Variants in PRKAR2A observed in about 807,000 individuals in gnomAD.
PRKAR2A encodes protein kinase cAMP-dependent type II regulatory subunit alpha.
A neutral mutation model predicts 51.9 loss-of-function variants in PRKAR2A; 29 were observed. The ratio of observed to expected loss-of-function variants is 0.56; its 90% CI spans 0.42 to 0.76. The LOEUF (loss-of-function observed/expected upper bound fraction) is 0.76, where lower values mean the gene tolerates loss of function less well. Ranked by LOEUF, PRKAR2A falls within the 30% of genes least tolerant of loss-of-function variation. The probability of loss-of-function intolerance (pLI) is 0.00; values close to 1 mark genes in which losing one functional copy is unlikely to be tolerated. For synonymous variants in PRKAR2A, 178 were observed against 186.2 expected, an observed-to-expected ratio of 0.96 and a Z score of 0.36; for missense variants, 445 against 512.1, an observed-to-expected ratio of 0.87 and a Z score of 1.26.
intron 1 of PRKAR2A, among the ~76,000 whole-genome samples, chr3:48,842,659 C>T (rs2083399164): frequency 6.6e-6 from 1 of 152,102 alleles, no homozygotes; most frequent in Admixed American, 6.6e-5. Context: ...TTTTCTGCAT[C>T]TATTGAGATA....
intron 8 of PRKAR2A, among the ~76,000 whole-genome samples, chr3:48,762,088 G>A (rs576731093): frequency 4.6e-5 from 7 of 152,278 alleles, no homozygotes; most frequent in East Asian, 1.9e-4. Flanking sequence ...AACTGGACTT[G>A]TCAAAATTAA....
chr3:48,813,467 G>A (rs987947073), intron 1 of PRKAR2A, among the ~76,000 whole-genome samples: 2 of 151,986 alleles, frequency 1.3e-5, no homozygotes, highest in African/African-American at 2.4e-5. Context: ...AGGCCGAGGC[G>A]GCGGATCACG....
chr3:48,746,323 A>G (rs141868660), downstream of PRKAR2A, among the ~76,000 whole-genome samples: 3 of 143,242 alleles, frequency 2.1e-5, no homozygotes, highest in East Asian at 6.1e-4. Context: ...GTTTGAAACC[A>G]GCCTGGACAA....
chr3:48,777,969 T>C (rs995239310), intron 5 of PRKAR2A, among the ~76,000 whole-genome samples: 9 of 152,174 alleles, frequency 5.9e-5, no homozygotes, highest in Non-Finnish European at 1.0e-4. Context: ...ATGAACTCAT[T>C]TCAGGCAGCA....
At chr3:48,778,710 G>A (rs926288738) in intron 5 of PRKAR2A, among the ~76,000 whole-genome samples, 2 of 151,684 alleles carry the variant, frequency 1.3e-5, no homozygotes, top group African/African-American at 4.8e-5. Context: ...AGTAGAGATG[G>A]GGTTTCACCA....
chr3:48,803,404 G>C (rs1447196622), intron 2 of PRKAR2A, among the ~76,000 whole-genome samples: 5 of 152,074 alleles, frequency 3.3e-5, no homozygotes. Flanking sequence ...AATAGAAGGA[G>C]ACACTGTCTT....
chr3:48,794,382 A>C lies in PRKAR2A; in HGVS notation c.299-333T>G, dbSNP rs1322529903. Among the ~76,000 whole-genome samples, 3 of 151,934 alleles carry C rather than the reference A, an allele frequency of 2.0e-5. No individual in the cohort carries two copies. In the East Asian group the frequency reaches 5.8e-4, roughly 30 times the overall value. On this transcript the variant is annotated intron_variant, in intron 2 of 10. Transcript: ENST00000265563. ...GTCAGGCTGCTCTCAAACTCCTGAC[A>C]TCAGGTGATCCACCTGATGTATATC...
rs983644261 is a variant in PRKAR2A at position 48,749,854 on chromosome 3, A to G, written c.*1731T>C. The G allele has an allele frequency of 6.6e-6, 1 of 151,664 alleles. No homozygotes were observed. Among genetic ancestry groups the G allele is most frequent in the African/African-American group, 2.4e-5 (1 of 41,310 alleles). 9.4% of individuals were successfully genotyped at this position (151,664 alleles called of 1,614,324 possible). ...CAGCTGACAAACTCCATATACATGA[A>G]TATGTCCAAGTGAAATTACCTAAAG... On this transcript the variant is annotated 3_prime_UTR_variant, in exon 11 of 11. Coordinates refer to ENST00000265563, the MANE Select transcript of PRKAR2A (RefSeq NM_004157.4).
intron 1 of PRKAR2A, among the ~76,000 whole-genome samples, chr3:48,833,718 A>AG (rs977929570): frequency 6.7e-6 from 1 of 148,956 alleles, no homozygotes; most frequent in African/African-American, 2.5e-5. Context: ...CTCAAAAAAA[A>AG]AAAAAAAGAA....
intron 4 of PRKAR2A, among the ~76,000 whole-genome samples, chr3:48,786,075 C>T (rs2082285441): frequency 6.6e-6 from 1 of 150,816 alleles, no homozygotes; most frequent in African/African-American, 2.4e-5. Flanking sequence ...GACAGGAATG[C>T]AAACTGGTAA....
At chr3:48,812,145 T>C (rs925480389) in intron 1 of PRKAR2A, among the ~76,000 whole-genome samples, 5 of 151,742 alleles carry the variant, frequency 3.3e-5, no homozygotes, top group African/African-American at 1.2e-4. Context: ...AAAAAAAAAC[T>C]ATTGAAAGTC....
intron 1 of PRKAR2A, among the ~76,000 whole-genome samples, chr3:48,845,244 A>G (rs2083444285): frequency 6.6e-6 from 1 of 152,238 alleles, no homozygotes; most frequent in South Asian, 2.1e-4. Context: ...AACCTGTGGC[A>G]GAGTTTAGAA....
intron 1 of PRKAR2A, among the ~76,000 whole-genome samples, chr3:48,820,197 G>A (rs1475958476): frequency 6.6e-6 from 1 of 152,180 alleles, no homozygotes; most frequent in Non-Finnish European, 1.5e-5. Flanking sequence ...AGGCACTGTG[G>A]AGCCAATGGA....
At chr3:48,777,527 T>TC (rs1350270069) in intron 5 of PRKAR2A, among the ~76,000 whole-genome samples, 1 of 152,140 alleles carries the variant, frequency 6.6e-6, no homozygotes, top group Non-Finnish European at 1.5e-5. Flanking sequence ...TGCCTCAGCT[T>TC]CCCGAGCAGC....
chr3:48,805,055 G>GT (rs1181358920), intron 2 of PRKAR2A, among the ~76,000 whole-genome samples: 1 of 152,032 alleles, frequency 6.6e-6, no homozygotes, highest in Non-Finnish European at 1.5e-5. Context: ...AGGACTACAT[G>GT]TGTGCACCAT....
rs899768314 is a variant in PRKAR2A at position 48,751,559 on chromosome 3, T to C, written c.*26A>G. On this transcript the variant is annotated 3_prime_UTR_variant, in exon 11 of 11. Coordinates refer to ENST00000265563, the MANE Select transcript of PRKAR2A (RefSeq NM_004157.4). ...TGACCAGAAGGTTTTGGTGTCACAC[T>C]AAGAAGGCTCTGGGGTGTGGCACAC... 6.2e-7 allele frequency: 1 copy of C among 1,606,046 alleles called. No homozygotes were observed. Among genetic ancestry groups the C allele is most frequent in the African/African-American group, 1.3e-5 (1 of 74,786 alleles).
chr3:48,774,629 T>G (rs2082078909), intron 5 of PRKAR2A, among the ~76,000 whole-genome samples: 1 of 152,204 alleles, frequency 6.6e-6, no homozygotes, highest in African/African-American at 2.4e-5. Flanking sequence ...CTATTCTCTA[T>G]GTCTACGATA....
At chr3:48,799,440 G>T (rs920870431) in intron 2 of PRKAR2A, among the ~76,000 whole-genome samples, 2 of 152,042 alleles carry the variant, frequency 1.3e-5, no homozygotes, top group Non-Finnish European at 2.9e-5. Context: ...TCACATTGGG[G>T]TTAGGACTTC....
chr3:48,796,632 T>C (rs1330766463), intron 2 of PRKAR2A, among the ~76,000 whole-genome samples: 1 of 151,394 alleles, frequency 6.6e-6, no homozygotes, highest in Non-Finnish European at 1.5e-5. Context: ...GTAGCTGGGA[T>C]TACAAGTGCT....
Sources: allele counts gnomAD v4.1 joint callset (sites outside exome capture counted in the v4.1 genomes callset), GRCh38; gene constraint gnomAD v4.1.1; transcripts MANE v1.5; gene names NCBI Gene and HGNC (gene_info 2026-07-23, HGNC 2026-07-21).